The following ACSM2A variants were observed in gnomAD, a reference collection of about 807,000 sequenced individuals.
ACSM2A encodes acyl-coenzyme A synthetase ACSM2A, mitochondrial.
In ACSM2A, 72 loss-of-function variants were observed where a neutral mutation model predicts 76.6. The ratio of observed to expected loss-of-function variants is 0.94; its 90% CI spans 0.78 to 1.14. The LOEUF is 1.14. ACSM2A is among the 50% of genes most tolerant of loss of function. The pLI is 0.00. For missense variants in ACSM2A, 684 were observed against 708.5 expected (o/e 0.97, Z 0.39); for synonymous variants, 249 against 255.9 (o/e 0.97, Z 0.26).
chr16:20,476,771 C>T, intron 8 of ACSM2A: 1 of 980,666 alleles, frequency 1.0e-6, no homozygotes, highest in South Asian at 4.1e-5. Flanking sequence ...ATGTCTCTGT[C>T]AGTGAGGCAT....
rs1257304229 is a variant in ACSM2A, at chr16:20,469,791, G to T, written c.596+72G>T. On this transcript the variant is annotated intron_variant, in intron 4 of 13. Coordinates refer to ENST00000573854, the MANE Select transcript of ACSM2A (RefSeq NM_001308172.2). ...CAGAGCCAAGCACTTAGGTGCAGGTGCTTTATTGAGGAGGTGCAGAAAGAA... is the reference window on the plus strand; with the variant it reads ...CAGAGCCAAGCACTTAGGTGCAGGTTCTTTATTGAGGAGGTGCAGAAAGAA... 1.2e-5 allele frequency: 19 copies of T among 1,596,218 alleles called. No homozygotes were observed. The African/African-American group carries it at 2.4e-4, about 20-fold the overall frequency.
In ACSM2A at chr16:20,461,275, G is replaced by A. The variant is rs542237811; in HGVS notation, c.177+984G>A. On this transcript the variant is annotated intron_variant, in intron 2 of 13. Coordinates refer to ENST00000573854, the MANE Select transcript of ACSM2A (RefSeq NM_001308172.2). Reference sequence around the variant, plus strand: ...AATGCCTTGCCTCTAGGCTGAAGACGGCCCTAGGTGTGGGTACTCTTAAAA... The same window carrying A: ...AATGCCTTGCCTCTAGGCTGAAGACAGCCCTAGGTGTGGGTACTCTTAAAA... 5.3e-5 allele frequency among the ~76,000 whole-genome samples: 8 copies of A among 149,650 alleles called. No individual in the cohort carries two copies. In the South Asian group the frequency reaches 6.5e-4, roughly 12 times the overall value.
chr16:20,458,565 T>A (rs1463531951), intron 1 of ACSM2A, among the ~76,000 whole-genome samples: 3 of 144,806 alleles, frequency 2.1e-5, no homozygotes, highest in Admixed American at 7.1e-5. Context: ...ATATTATATA[T>A]AATATATCCA....
chr16:20,463,018 T>C (rs1326232547), intron 2 of ACSM2A, among the ~76,000 whole-genome samples: 1 of 132,044 alleles, frequency 7.6e-6, no homozygotes, highest in East Asian at 2.2e-4. Context: ...CACTCATAGG[T>C]GGGAATTGAA....
chr16:20,464,613 G>A (rs1376827511), intron 2 of ACSM2A, among the ~76,000 whole-genome samples: 2 of 151,992 alleles, frequency 1.3e-5, no homozygotes, highest in Admixed American at 6.6e-5. Flanking sequence ...CATTCATGAG[G>A]GTCCCACCCC....
chr16:20,469,082 G>T (rs1282614171), intron 3 of ACSM2A, among the ~76,000 whole-genome samples: 1 of 152,182 alleles, frequency 6.6e-6, no homozygotes, highest in South Asian at 2.1e-4. Flanking sequence ...TCCCAGGGAT[G>T]AAATAAATTG....
intron 13 of ACSM2A, among the ~76,000 whole-genome samples, chr16:20,483,820 C>A (rs567130195): frequency 2.0e-5 from 3 of 152,192 alleles, no homozygotes; most frequent in African/African-American, 7.2e-5. Flanking sequence ...TCTAGCTTGA[C>A]ATTTATTGCT....
intron 10 of ACSM2A, among the ~76,000 whole-genome samples, chr16:20,480,021 C>G (rs2013992389): frequency 6.6e-6 from 1 of 152,194 alleles, no homozygotes; most frequent in African/African-American, 2.4e-5. Context: ...ATACCTGAGT[C>G]AGATAGGAAG....
At chr16:20,476,583 G>C (rs1199161995) in intron 8 of ACSM2A, 1 of 985,346 alleles carries the variant, frequency 1.0e-6, no homozygotes, top group East Asian at 1.1e-4. Flanking sequence ...CCATTCAGAG[G>C]AGGACATGTT....
chr16:20,468,684 AT>A (rs1249687789), intron 3 of ACSM2A, among the ~76,000 whole-genome samples: 1 of 152,196 alleles, frequency 6.6e-6, no homozygotes, highest in African/African-American at 2.4e-5. Flanking sequence ...TCTACAGAAT[AT>A]TTTAATAATC....
intron 1 of ACSM2A, among the ~76,000 whole-genome samples, 183 bp downstream of exon 1, chr16:20,451,864 C>G (rs79295823): frequency 0.25 from 27,644 of 110,110 alleles, 2,943 homozygotes; most frequent in East Asian, 0.63. Flanking sequence ...GAAAAGGCAC[C>G]TTTATGGCAG....
chr16:20,470,022 A>C (rs1457763479), intron 4 of ACSM2A, among the ~76,000 whole-genome samples: 1 of 151,868 alleles, frequency 6.6e-6, no homozygotes, highest in Non-Finnish European at 1.5e-5. Context: ...TGGTCCCCAC[A>C]GGTTCAGGGT....
chr16:20,469,375 T>A (rs976094826), intron 3 of ACSM2A, 137 bp from the exon 4 acceptor site: 18 of 1,462,086 alleles, frequency 1.2e-5, no homozygotes, highest in Non-Finnish European at 1.5e-5. Flanking sequence ...GTTCCCTTTT[T>A]TATTGACACT....
intron 13 of ACSM2A, among the ~76,000 whole-genome samples, chr16:20,485,863 C>T (rs2014356928): frequency 1.3e-5 from 2 of 152,208 alleles, no homozygotes; most frequent in South Asian, 4.1e-4. Flanking sequence ...GGCAACTGAG[C>T]CATATCACTG....
At chr16:20,471,499 C>A (rs2013400266) in intron 5 of ACSM2A, 37 bp from the exon 6 acceptor site, 1 of 1,585,808 alleles carries the variant, frequency 6.3e-7, no homozygotes, top group Non-Finnish European at 8.6e-7. Flanking sequence ...AAGCATGCAC[C>A]CACCTATATG....
At chr16:20,465,351 A>G (rs2012919835) in intron 2 of ACSM2A, among the ~76,000 whole-genome samples, 166 bp from the exon 3 acceptor site, 1 of 152,228 alleles carries the variant, frequency 6.6e-6, no homozygotes, top group Admixed American at 6.5e-5. Flanking sequence ...GATATAACTC[A>G]TATAAATAAC....
chr16:20,477,675 T>A (rs978493519), intron 9 of ACSM2A, among the ~76,000 whole-genome samples: 1 of 152,192 alleles, frequency 6.6e-6, no homozygotes, highest in Non-Finnish European at 1.5e-5. Context: ...CCACTTTGAA[T>A]AGCTAGCAAA....
chr16:20,464,348 T>C (rs1411210494), intron 2 of ACSM2A, among the ~76,000 whole-genome samples: 1 of 152,226 alleles, frequency 6.6e-6, no homozygotes, highest in Non-Finnish European at 1.5e-5. Context: ...TGTAAAGGAA[T>C]ACCTGAGACT....
intron 10 of ACSM2A, among the ~76,000 whole-genome samples, chr16:20,480,280 T>A (rs1417400002): frequency 6.6e-6 from 1 of 152,134 alleles, no homozygotes; most frequent in East Asian, 1.9e-4. Flanking sequence ...AGAGATGGAA[T>A]CAATTGGGGA....
Sources: gnomAD v4.1 joint callset for allele counts (sites outside exome capture counted in the v4.1 genomes callset) on GRCh38, gnomAD v4.1.1 for gene constraint, MANE v1.5 for transcripts, NCBI Gene and HGNC (gene_info 2026-07-23, HGNC 2026-07-21) for gene names.